Variants in KIF1C observed in about 807,000 individuals in gnomAD.
The protein encoded by KIF1C is kinesin family member 1C, also known as kinesin-like protein KIF1C.
KIF1C carries 61 observed loss-of-function variants against 126.5 expected under a neutral mutation model. The ratio of observed to expected loss-of-function variants is 0.48; its 90% confidence interval spans 0.39 to 0.60. The LOEUF (loss-of-function observed/expected upper bound fraction) is 0.60, where lower values mean the gene tolerates loss of function less well. Ranked by LOEUF, KIF1C falls within the 20% of genes least tolerant of loss-of-function variation. The pLI is 0.00. For synonymous variants in KIF1C, 640 were observed against 580.6 expected (o/e 1.10, Z -1.47); for missense variants, 1,315 against 1,489.2 (o/e 0.88, Z 1.93).
rs1974583240 is a variant in KIF1C, at chr17:5,001,227, G to A, written c.189G>A (p.Glu63=). The change falls in exon 5 of 23, where the codon GAG becomes GAA. Residue 63 remains glutamate (E), a synonymous_variant. Transcript: ENST00000320785. ...DYSYWSHTST[E]DPQFASQQQV... is the part of the protein sequence containing the mutation. ...CTGCCCCCACTTTCTCCTAGACGGA[G>A]GACCCCCAGTTTGCATCTCAGCAGC... is the stretch of plus-strand genomic sequence containing the variant. 3 of 1,613,930 alleles carry A rather than the reference G, an allele frequency of 1.9e-6. No homozygotes were observed. Among genetic ancestry groups the A allele is most frequent in the Non-Finnish European group, 1.7e-6 (2 of 1,179,954 alleles).
At chr17:5,021,574 G>A (rs1382326496) in intron 21 of KIF1C, among the ~76,000 whole-genome samples, 1 of 152,066 alleles carries the variant, frequency 6.6e-6, no homozygotes, top group East Asian at 1.9e-4. Flanking sequence ...CGAACTCCTT[G>A]GGTTCAAGCA....
intron 13 of KIF1C, among the ~76,000 whole-genome samples, chr17:5,005,524 G>A (rs1006246440): frequency 2.0e-5 from 3 of 152,194 alleles, no homozygotes; most frequent in Non-Finnish European, 2.9e-5. Flanking sequence ...ATTGAGGATA[G>A]TTAGGGTGCT....
In KIF1C at chr17:5,023,177, G is replaced by A. The variant is rs1248088985; in HGVS notation, c.2629-291G>A. On this transcript the variant is annotated intron_variant, in intron 22 of 22. Coordinates refer to ENST00000320785, the MANE Select transcript of KIF1C (RefSeq NM_006612.6). The surrounding 1 kb of genome is among the most constrained non-coding windows in gnomAD (Gnocchi z 4.2). ...CTACAGGCGCGCACCACCACACCCG[G>A]CTAATTTTTTTTTTTTGTATTTTAG... is the stretch of plus-strand genomic sequence containing the variant. Among the ~76,000 whole-genome samples, 1 of 151,934 alleles carries A rather than the reference G, an allele frequency of 6.6e-6. No individual in the cohort carries two copies. The highest frequency in any genetic ancestry group is 2.4e-5 in the African/African-American group (1 of 41,358).
At chr17:5,006,733 A>G (rs1053085419) in intron 13 of KIF1C, among the ~76,000 whole-genome samples, 182 bp from the exon 14 acceptor site, 4 of 152,138 alleles carry the variant, frequency 2.6e-5, no homozygotes. Context: ...GTTCAAGTAG[A>G]GAGACTGGGT....
chr17:5,022,337 G>T lies in KIF1C; in HGVS notation c.2256G>T (p.Val752=). ...TGGCTGACCTGAAGATGCAGGCGGT[G>T]AAGGAGATCTGCTACGAGGTGGCCC... The part of the protein sequence containing the change: ...ATMADLKMQA[V]KEICYEVALA... Residue 752 remains valine (V), a synonymous_variant, in exon 22 of 23, where the codon GTG becomes GTT. Transcript: ENST00000320785. The surrounding 1 kb of genome is among the most constrained non-coding windows in gnomAD (Gnocchi z 4.9). 1 of 1,601,906 alleles carries T rather than the reference G, an allele frequency of 6.2e-7. No homozygotes were observed.
intron 18 of KIF1C, 146 bp downstream of exon 18, chr17:5,014,983 G>T: frequency 1.5e-6 from 1 of 660,990 alleles, no homozygotes; most frequent in Non-Finnish European, 2.6e-6. Context: ...AGGGGCTTGG[G>T]GCTCATGGGT....
rs1382440375 is a variant in KIF1C at position 5,002,572 on chromosome 17, G to A, written c.538G>A (p.Asp180Asn). Residue 180 changes from aspartate to asparagine, a missense_variant, in exon 7 of 23, where the codon GAC becomes AAC. Around this residue, in one of 2 missense-constraint regions of KIF1C, gnomAD observed 874 missense variants for 1,053.2 expected, o/e 0.83. Transcript: ENST00000320785. ...EHPILGPYVQ[D>N]LSKLAVTSYA... Reference sequence around the variant, plus strand: ...CCCCATCCTGGGCCCGTACGTGCAGGACCTGTCCAAATTGGCTGTGACCTC... The same window carrying A: ...CCCCATCCTGGGCCCGTACGTGCAGAACCTGTCCAAATTGGCTGTGACCTC... 3 of 1,614,082 alleles carry A rather than the reference G, an allele frequency of 1.9e-6. No individual in the cohort carries two copies. Among genetic ancestry groups the A allele is most frequent in the South Asian group, 2.2e-5 (2 of 91,088 alleles).
At chr17:5,008,460 G>T (rs16954347) in intron 16 of KIF1C, among the ~76,000 whole-genome samples, 19,700 of 152,214 alleles carry the variant, frequency 0.13, 2,836 homozygotes, top group African/African-American at 0.36. Flanking sequence ...GGACCATGGT[G>T]TGAAGCAGCA....
chr17:5,007,652 C>T (rs1974766435), intron 16 of KIF1C, 110 bp downstream of exon 16: 2 of 774,284 alleles, frequency 2.6e-6, no homozygotes, highest in Non-Finnish European at 2.0e-6. Context: ...TTTGAGGTCC[C>T]CGGCTTGTCC....
intron 16 of KIF1C, among the ~76,000 whole-genome samples, chr17:5,010,787 C>T (rs1367239349): frequency 7.9e-5 from 12 of 151,530 alleles, no homozygotes; most frequent in Non-Finnish European, 1.6e-4. Context: ...TGCCAAAGTG[C>T]CCTCTGAAGA....
At chr17:5,001,986 C>T (rs1974605590) in intron 5 of KIF1C, 73 bp from the exon 6 acceptor site, 1 of 1,389,368 alleles carries the variant, frequency 7.2e-7, no homozygotes, top group African/African-American at 1.4e-5. Flanking sequence ...GGGACTGGGC[C>T]TGGCCTGTGG....
At position 5,002,789 on chromosome 17, in the gene KIF1C, A is replaced by G. The variant is rs1974629484; in HGVS notation, c.667A>G (p.Ile223Val). ...CAGCCGTTCCCATGCCGTCTTTACC[A>G]TCGTCTTCACACAGCGCTGCCATGA... is the stretch of plus-strand genomic sequence containing the variant. ...TSSRSHAVFT[I>V]VFTQRCHDQL... Residue 223 changes from isoleucine to valine, a missense_variant, in exon 8 of 23, where the codon ATC becomes GTC. Transcript: ENST00000320785. 9.3e-6 allele frequency: 15 copies of G among 1,613,628 alleles called. No individual in the cohort carries two copies. In the East Asian group the frequency reaches 2.9e-4, roughly 31 times the overall value.
chr17:5,017,984 T>G (rs1975011910), intron 18 of KIF1C, among the ~76,000 whole-genome samples: 1 of 152,106 alleles, frequency 6.6e-6, no homozygotes, highest in Admixed American at 6.6e-5. Flanking sequence ...ATTTTCATTT[T>G]CATTTTTATT....
At chr17:5,002,671 A>T (rs1391682235) in intron 7 of KIF1C, 29 bp downstream of exon 7, 1 of 1,611,694 alleles carries the variant, frequency 6.2e-7, no homozygotes, top group East Asian at 2.2e-5. Flanking sequence ...GCAGAGGGCA[A>T]GGGGGCCAGG....
intron 16 of KIF1C, among the ~76,000 whole-genome samples, chr17:5,010,519 C>T (rs953194441): frequency 1.3e-5 from 2 of 151,896 alleles, no homozygotes; most frequent in South Asian, 2.1e-4. Flanking sequence ...GAGGCCGAGG[C>T]GGGCGGATCA....
chr17:4,998,553 C>CA (rs531935753), intron 1 of KIF1C, among the ~76,000 whole-genome samples: 120 of 152,370 alleles, frequency 7.9e-4, no homozygotes, highest in Admixed American at 4.4e-3. Context: ...CCAGCCGTGC[C>CA]ACCCCATCCC....
chr17:5,010,718 GC>G (rs1346919050), intron 16 of KIF1C, among the ~76,000 whole-genome samples: 1 of 151,178 alleles, frequency 6.6e-6, no homozygotes, highest in Non-Finnish European at 1.5e-5. Context: ...CTGCACTCCA[GC>G]CCAGGTGACA....
In KIF1C at chr17:5,007,409, G is replaced by A. The variant is rs1974760962; in HGVS notation, c.1416-58G>A. ...CCATGGGGGAGGTCAGGCCCCACAG[G>A]GAAGGAGGTCACGGGCAGTGAAGGT... On this transcript the variant is annotated intron_variant, in intron 15 of 22. Transcript: ENST00000320785. 2.5e-6 allele frequency: 4 copies of A among 1,611,016 alleles called. No homozygotes were observed. The African/African-American group carries it at 5.3e-5, about 22-fold the overall frequency.
Position 5,025,382 on chromosome 17 carries a change from G to C in KIF1C, c.*1231G>C, listed in dbSNP as rs1051331616. Reference sequence around the variant, plus strand: ...TTAAGTCACCTAACTTACTTGAAAGGTCTCCCAAGCAGCCAGTTTCTCTTG... The same window carrying C: ...TTAAGTCACCTAACTTACTTGAAAGCTCTCCCAAGCAGCCAGTTTCTCTTG... On this transcript the variant is annotated 3_prime_UTR_variant, in exon 23 of 23. Coordinates refer to ENST00000320785, the MANE Select transcript of KIF1C (RefSeq NM_006612.6). 1 of 152,224 alleles carries C rather than the reference G, an allele frequency of 6.6e-6. No homozygotes were observed. Among genetic ancestry groups the C allele is most frequent in the African/African-American group, 2.4e-5 (1 of 41,446 alleles). 9.4% of individuals were successfully genotyped at this position (152,224 alleles called of 1,614,324 possible).
Sources: allele counts gnomAD v4.1 joint callset (sites outside exome capture counted in the v4.1 genomes callset), GRCh38; gene constraint gnomAD v4.1.1; regional missense constraint gnomAD v4.1.1; non-coding constraint Gnocchi (gnomAD v3.1); transcripts MANE v1.5; gene names NCBI Gene and HGNC (gene_info 2026-07-23, HGNC 2026-07-21).